RBFOX1: variants seen among roughly 807,000 people sequenced by gnomAD.
The protein encoded by RBFOX1 is RNA binding fox-1 homolog 1.
A neutral mutation model predicts 57.7 loss-of-function variants in RBFOX1; 8 were observed. The observed-to-expected ratio is 0.14, with a 90% CI of 0.08 to 0.25. RBFOX1 has a LOEUF of 0.25. Ranked by LOEUF, RBFOX1 falls within the 10% of genes least tolerant of loss-of-function variation. The pLI, the probability that RBFOX1 is intolerant of heterozygous loss-of-function variation, is 1.00. For missense variants in RBFOX1, 611 were observed against 548.5 expected (o/e 1.11, Z -1.14); for synonymous variants, 326 against 222.4 (o/e 1.47, Z -4.15).
intron 4 of RBFOX1, among the ~76,000 whole-genome samples, chr16:7,152,328 A>T (rs943922989): frequency 2.0e-5 from 3 of 152,180 alleles, no homozygotes; most frequent in African/African-American, 7.2e-5. Flanking sequence ...AAAACTACAG[A>T]AGGGATAATG....
intron 3 of RBFOX1, among the ~76,000 whole-genome samples, chr16:6,661,696 A>G (rs2098702604): frequency 6.6e-6 from 1 of 152,188 alleles, no homozygotes; most frequent in Non-Finnish European, 1.5e-5. Context: ...GATTCGAGCA[A>G]GACGAAGTCA....
At chr16:6,058,452 A>T (rs2095641694) in intron 1 of RBFOX1, among the ~76,000 whole-genome samples, 1 of 152,184 alleles carries the variant, frequency 6.6e-6, no homozygotes, top group African/African-American at 2.4e-5. Flanking sequence ...ATGCTGGTTT[A>T]GATCTTTAAA....
chr16:7,681,995 T>A (rs2074884421), intron 14 of RBFOX1, among the ~76,000 whole-genome samples: 1 of 152,180 alleles, frequency 6.6e-6, no homozygotes, highest in Non-Finnish European at 1.5e-5. Context: ...GTTCAAGACC[T>A]GGCACCTGCC....
At chr16:6,087,656 A>C (rs976783621) in intron 1 of RBFOX1, among the ~76,000 whole-genome samples, 1 of 149,232 alleles carries the variant, frequency 6.7e-6, no homozygotes, top group Non-Finnish European at 1.5e-5. Flanking sequence ...TATTTATCTT[A>C]CTTTTTTTTT....
intron 3 of RBFOX1, among the ~76,000 whole-genome samples, chr16:6,987,152 G>T (rs1385840219): frequency 6.6e-6 from 1 of 152,102 alleles, no homozygotes; most frequent in Non-Finnish European, 1.5e-5. Flanking sequence ...AGCTCAGTCA[G>T]AGAGCAGCAT....
chr16:7,079,960 A>C (rs976336769), intron 4 of RBFOX1, among the ~76,000 whole-genome samples: 1 of 150,088 alleles, frequency 6.7e-6, no homozygotes, highest in African/African-American at 2.5e-5. Flanking sequence ...AATGCAGCTG[A>C]ACTATGCATT....
intron 4 of RBFOX1, among the ~76,000 whole-genome samples, chr16:7,378,410 C>G (rs12444365): frequency 0.064 from 9,674 of 152,112 alleles, 370 homozygotes; most frequent in South Asian, 0.14. Context: ...CTGACAAGGA[C>G]GAGGTGCAAC....
chr16:7,238,159 G>C (rs1235154063), intron 4 of RBFOX1, among the ~76,000 whole-genome samples: 1 of 152,140 alleles, frequency 6.6e-6, no homozygotes. Flanking sequence ...ACAAAAAGTG[G>C]CATGGTCGTT....
chr16:6,033,500 A>G (rs2095319916), intron 1 of RBFOX1, among the ~76,000 whole-genome samples: 1 of 152,238 alleles, frequency 6.6e-6, no homozygotes, highest in Non-Finnish European at 1.5e-5. Flanking sequence ...TATTTATACC[A>G]ACAAAAGATA....
intron 1 of RBFOX1, among the ~76,000 whole-genome samples, chr16:6,180,086 G>T (rs748985912): frequency 6.6e-6 from 1 of 152,130 alleles, no homozygotes; most frequent in Non-Finnish European, 1.5e-5. Flanking sequence ...AAAATATGTA[G>T]ATCTGCAGTA....
chr16:6,083,660 A>G (rs139678828), intron 1 of RBFOX1, among the ~76,000 whole-genome samples: 111 of 152,098 alleles, frequency 7.3e-4, no homozygotes, highest in Non-Finnish European at 1.3e-3. Flanking sequence ...AATTATTTGT[A>G]GACACGGGGT....
chr16:5,984,870 C>G (rs1258882265), intron 4 of RBFOX1, among the ~76,000 whole-genome samples: 1 of 139,360 alleles, frequency 7.2e-6, no homozygotes. Flanking sequence ...ATTTGTGAAT[C>G]AAAACACACC....
chr16:5,867,302 GGT>G lies in RBFOX1; in HGVS notation c.319_320del (p.Val107PhefsTer10). On this transcript the variant is annotated frameshift_variant and splice_region_variant, in exon 4 of 20. Coordinates refer to the RBFOX1 transcript ENST00000641259. LOFTEE classifies it high-confidence loss of function. The stretch of plus-strand genomic sequence containing the variant: ...AATGTCTTTTTTTGTTTAACTTGCA[GGT>G]TTCGGCAAGTCAGGCTACAGGCAAA... 8.3e-7 allele frequency: 1 copy of G among 1,205,502 alleles called. No individual in the cohort carries two copies. The highest frequency in any genetic ancestry group is 3.2e-5 in the East Asian group (1 of 31,574). 74.7% of individuals were successfully genotyped at this position (1,205,502 alleles called of 1,614,324 possible).
At chr16:6,350,859 A>T (rs935773213) in intron 2 of RBFOX1, among the ~76,000 whole-genome samples, 2 of 152,176 alleles carry the variant, frequency 1.3e-5, no homozygotes, top group African/African-American at 2.4e-5. Flanking sequence ...GGGGATTTGA[A>T]CCAGGGTCTG....
intron 4 of RBFOX1, among the ~76,000 whole-genome samples, chr16:7,284,981 A>C (rs963374664): frequency 6.8e-6 from 1 of 147,570 alleles, no homozygotes; most frequent in African/African-American, 2.5e-5. Flanking sequence ...CCAACGCCTC[A>C]TCCCTCCGTT....
At chr16:6,009,711 G>T (rs1253970095) in intron 4 of RBFOX1, among the ~76,000 whole-genome samples, 1 of 151,912 alleles carries the variant, frequency 6.6e-6, no homozygotes, top group Admixed American at 6.6e-5. Context: ...CCACCTCCAA[G>T]CCTATCCACA....
chr16:5,937,031 A>G (rs555515192), intron 4 of RBFOX1, among the ~76,000 whole-genome samples: 3 of 152,274 alleles, frequency 2.0e-5, no homozygotes, highest in Admixed American at 6.5e-5. Flanking sequence ...TAGTTTTCTC[A>G]TCTGTCAAAT....
chr16:5,573,184 G>A (rs2046343603), intron 2 of RBFOX1, among the ~76,000 whole-genome samples: 2 of 152,174 alleles, frequency 1.3e-5, no homozygotes, highest in South Asian at 4.1e-4. Context: ...GAGGTTTGGA[G>A]GAAGACTGTT....
chr16:5,622,227 A>T (rs945436702), intron 3 of RBFOX1, among the ~76,000 whole-genome samples: 1 of 152,218 alleles, frequency 6.6e-6, no homozygotes, highest in African/African-American at 2.4e-5. Flanking sequence ...GACAGTAATT[A>T]TGATGCCAAA....
Sources: gnomAD v4.1 joint callset for allele counts (sites outside exome capture counted in the v4.1 genomes callset) on GRCh38, gnomAD v4.1.1 for gene constraint, MANE v1.5 for transcripts, NCBI Gene and HGNC (gene_info 2026-07-23, HGNC 2026-07-21) for gene names.